Variants in MALRD1 observed in about 807,000 individuals in gnomAD.
MALRD1 encodes the protein MAM and LDL receptor class A domain containing 1.
A neutral mutation model predicts 242.1 loss-of-function variants in MALRD1; 247 were observed. The observed-to-expected ratio is 1.02, with a 90% CI of 0.92 to 1.13. The LOEUF is 1.13. MALRD1 is among the 50% of genes most tolerant of loss of function. The pLI is 0.00. For synonymous variants in MALRD1, 995 were observed against 866.6 expected (o/e 1.15, Z -2.60); for missense variants, 2,989 against 2,533.1 (o/e 1.18, Z -3.86).
At chr10:19,131,787 G>A (rs75354372) in intron 8 of MALRD1, among the ~76,000 whole-genome samples, 4,413 of 152,126 alleles carry the variant, frequency 0.029, 89 homozygotes, top group Middle Eastern at 0.061. Flanking sequence ...ATCCTGGACC[G>A]GTGGAGCAAA....
At chr10:19,055,873 C>T (rs527294946) in intron 1 of MALRD1, among the ~76,000 whole-genome samples, 47 of 152,064 alleles carry the variant, frequency 3.1e-4, no homozygotes, top group Non-Finnish European at 5.9e-4. Flanking sequence ...GGGTGAGGAT[C>T]GAAAAACCAC....
intron 25 of MALRD1, among the ~76,000 whole-genome samples, chr10:19,350,263 C>CTTTTTTTT (rs1844315033): frequency 9.2e-6 from 1 of 108,810 alleles, no homozygotes; most frequent in African/African-American, 3.3e-5. Flanking sequence ...ATGATTTTTT[C>CTTTTTTTT]TTTTTTTCTT....
At chr10:19,536,931 C>G (rs1017054760) in intron 32 of MALRD1, among the ~76,000 whole-genome samples, 6 of 151,986 alleles carry the variant, frequency 3.9e-5, no homozygotes, top group African/African-American at 1.5e-4. Context: ...TAAGAAAGCC[C>G]CTCTCAGAAA....
intron 35 of MALRD1, among the ~76,000 whole-genome samples, chr10:19,612,528 C>T (rs1838946968): frequency 6.6e-6 from 1 of 151,840 alleles, no homozygotes; most frequent in Non-Finnish European, 1.5e-5. Context: ...TTTCTTAATG[C>T]CTGCTATCCC....
chr10:19,144,655 T>G (rs1465390775), intron 10 of MALRD1, among the ~76,000 whole-genome samples: 1 of 152,200 alleles, frequency 6.6e-6, no homozygotes, highest in East Asian at 1.9e-4. Flanking sequence ...TGATGGAGTC[T>G]TTTTAATTAT....
At chr10:19,302,591 A>C (rs1256399861) in intron 21 of MALRD1, among the ~76,000 whole-genome samples, 1 of 151,816 alleles carries the variant, frequency 6.6e-6, no homozygotes, top group East Asian at 1.9e-4. Context: ...GCAAATCTAC[A>C]GAAAGAGAAA....
At chr10:19,566,298 ATTTTTTT>A (rs10548629) in intron 32 of MALRD1, among the ~76,000 whole-genome samples, 257 of 111,058 alleles carry the variant, frequency 2.3e-3, no homozygotes, top group Non-Finnish European at 3.0e-3. Context: ...TGCCTGGCTA[ATTTTTTT>A]TTTTTTTTTT....
chr10:19,147,957 A>G (rs763950094), intron 11 of MALRD1, among the ~76,000 whole-genome samples: 2 of 152,176 alleles, frequency 1.3e-5, no homozygotes, highest in Non-Finnish European at 2.9e-5. Flanking sequence ...GTGATTGGAC[A>G]GGGAGAAGAG....
intron 11 of MALRD1, among the ~76,000 whole-genome samples, chr10:19,149,575 T>G (rs1382249002): frequency 1.3e-5 from 2 of 152,192 alleles, no homozygotes; most frequent in East Asian, 3.8e-4. Context: ...TGGTTGTTTG[T>G]TTTTTAAGAA....
intron 1 of MALRD1, among the ~76,000 whole-genome samples, chr10:19,060,596 C>A (rs1004142408): frequency 4.6e-5 from 7 of 152,132 alleles, no homozygotes; most frequent in African/African-American, 1.7e-4. Context: ...TGGAGTTAAG[C>A]CTATGCCCTC....
At chr10:19,105,753 T>C (rs1197218696) in intron 5 of MALRD1, among the ~76,000 whole-genome samples, 1 of 152,036 alleles carries the variant, frequency 6.6e-6, no homozygotes, top group African/African-American at 2.4e-5. Context: ...CACATTGTGG[T>C]TTTAATTTGC....
chr10:19,592,349 T>C (rs1380689999), intron 33 of MALRD1, among the ~76,000 whole-genome samples: 5 of 152,210 alleles, frequency 3.3e-5, no homozygotes, highest in Non-Finnish European at 1.5e-5. Context: ...CCATGGCTCT[T>C]CGTAGATGCC....
intron 21 of MALRD1, among the ~76,000 whole-genome samples, chr10:19,313,312 A>G (rs1819210890): frequency 6.6e-6 from 1 of 151,478 alleles, no homozygotes; most frequent in Non-Finnish European, 1.5e-5. Context: ...TATTAATATT[A>G]AATGAATATT....
At chr10:19,386,463 G>T (rs963400655) in intron 26 of MALRD1, among the ~76,000 whole-genome samples, 1 of 151,888 alleles carries the variant, frequency 6.6e-6, no homozygotes, top group Non-Finnish European at 1.5e-5. Context: ...AAAATGTGAA[G>T]CTGATATCCC....
At chr10:19,733,296 C>G (rs1460007390) in intron 39 of MALRD1, among the ~76,000 whole-genome samples, 1 of 152,200 alleles carries the variant, frequency 6.6e-6, no homozygotes, top group Non-Finnish European at 1.5e-5. Flanking sequence ...TGTTTCACCT[C>G]TACTGCCCTC....
At chr10:19,585,134 G>C (rs1329724300) in intron 33 of MALRD1, among the ~76,000 whole-genome samples, 2 of 152,250 alleles carry the variant, frequency 1.3e-5, no homozygotes, top group African/African-American at 4.8e-5. Context: ...CTCGTGAGAT[G>C]CGTTTCCTGA....
intron 2 of MALRD1, among the ~76,000 whole-genome samples, chr10:19,083,712 G>C (rs1835568988): frequency 6.6e-6 from 1 of 151,860 alleles, no homozygotes; most frequent in South Asian, 2.1e-4. Context: ...TGGCTGCCAG[G>C]CTTCACATGA....
intron 36 of MALRD1, among the ~76,000 whole-genome samples, chr10:19,630,971 A>C (rs1839870267): frequency 6.6e-6 from 1 of 152,170 alleles, no homozygotes; most frequent in South Asian, 2.1e-4. Flanking sequence ...TTGGAATTAA[A>C]AGACCTGTCT....
Position 19,450,346 on chromosome 10 carries a change from C to A in MALRD1, c.4885C>A (p.Gln1629Lys). The change falls in exon 29 of 40, where the codon CAG (glutamine) becomes AAG (lysine). Residue 1629 changes from glutamine to lysine, a missense_variant. Coordinates refer to ENST00000454679, the MANE Select transcript of MALRD1 (RefSeq NM_001142308.3). The part of the protein sequence containing the change: ...GLSKVWQESK[Q>K]NPGNHWQKAD... ...ATCAAAAGTATGGCAAGAAAGTAAG[C>A]AGAACCCTGGTAATCATTGGCAAAA... 4 of 1,549,216 alleles carry A rather than the reference C, an allele frequency of 2.6e-6. No individual in the cohort carries two copies. The highest frequency in any genetic ancestry group is 3.5e-6 in the Non-Finnish European group (4 of 1,146,882).
Sources: gnomAD v4.1 joint callset for allele counts (sites outside exome capture counted in the v4.1 genomes callset) on GRCh38, gnomAD v4.1.1 for gene constraint, MANE v1.5 for transcripts, NCBI Gene and HGNC (gene_info 2026-07-23, HGNC 2026-07-21) for gene names.